The following MAPRE2 variants were observed in gnomAD, a reference collection of about 807,000 sequenced individuals.
MAPRE2 encodes the protein microtubule associated protein RP/EB family member 2.
In MAPRE2, 13 loss-of-function variants were observed where a neutral mutation model predicts 43.2. The ratio of observed to expected loss-of-function variants is 0.30; its 90% CI spans 0.20 to 0.48. MAPRE2 has a LOEUF of 0.48. Ranked by LOEUF, MAPRE2 falls within the 20% of genes least tolerant of loss-of-function variation. The probability of loss-of-function intolerance (pLI) is 0.99; values close to 1 mark genes in which losing one functional copy is unlikely to be tolerated. For missense variants in MAPRE2, 161 were observed against 400.2 expected (o/e 0.40, Z 5.10); for synonymous variants, 135 against 148.8 (o/e 0.91, Z 0.68).
At chr18:35,107,536 G>GC (rs1223060355) in intron 4 of MAPRE2, among the ~76,000 whole-genome samples, 1 of 152,066 alleles carries the variant, frequency 6.6e-6, no homozygotes, top group Non-Finnish European at 1.5e-5. Flanking sequence ...TTTTTTGTTT[G>GC]TTTGCTTTGC....
intron 4 of MAPRE2, among the ~76,000 whole-genome samples, chr18:35,116,362 A>G (rs1909412017): frequency 6.6e-6 from 1 of 152,222 alleles, no homozygotes; most frequent in Non-Finnish European, 1.5e-5. Context: ...TCTTATTGCT[A>G]CAAAAATAAA....
At chr18:35,105,109 AC>A (rs1230196849) in intron 4 of MAPRE2, among the ~76,000 whole-genome samples, 1 of 152,084 alleles carries the variant, frequency 6.6e-6, no homozygotes, top group Non-Finnish European at 1.5e-5. Flanking sequence ...TCTGTCTTTC[AC>A]AAAAGCTGCA....
At chr18:35,022,431 A>C (rs937099217) in intron 2 of MAPRE2, among the ~76,000 whole-genome samples, 9 of 152,184 alleles carry the variant, frequency 5.9e-5, no homozygotes, top group Non-Finnish European at 1.0e-4. Flanking sequence ...TCTTCTGTCA[A>C]TAAAAAAGTA....
chr18:35,021,279 G>A (rs569786458), intron 2 of MAPRE2, among the ~76,000 whole-genome samples: 4 of 152,114 alleles, frequency 2.6e-5, no homozygotes, highest in African/African-American at 9.7e-5. Context: ...GTTTTAAGAT[G>A]ACAGTCTAAA....
chr18:35,095,602 A>G (rs2144164125), intron 2 of MAPRE2, among the ~76,000 whole-genome samples: 1 of 150,828 alleles, frequency 6.6e-6, no homozygotes, highest in East Asian at 2.0e-4. Context: ...TTGTAAGAGT[A>G]TATAGTATCT....
chr18:34,998,015 C>T (rs1374764345), intron 1 of MAPRE2, among the ~76,000 whole-genome samples: 2 of 151,970 alleles, frequency 1.3e-5, no homozygotes, highest in African/African-American at 4.8e-5. Context: ...TGTTTTAATC[C>T]CTGACAGTGT....
chr18:34,996,327 T>A (rs1377706336), intron 1 of MAPRE2, among the ~76,000 whole-genome samples: 1 of 152,146 alleles, frequency 6.6e-6, no homozygotes, highest in Non-Finnish European at 1.5e-5. Context: ...CCTCAGATCA[T>A]CAAGCATTAG....
upstream of MAPRE2, among the ~76,000 whole-genome samples, chr18:35,038,862 A>T (rs1197992909): frequency 6.6e-6 from 1 of 152,122 alleles, no homozygotes; most frequent in African/African-American, 2.4e-5. Flanking sequence ...GGGTCCCTTT[A>T]TAGTAGTGTG....
intron 1 of MAPRE2, among the ~76,000 whole-genome samples, chr18:34,989,058 G>T (rs975675616): frequency 6.6e-6 from 1 of 152,054 alleles, no homozygotes; most frequent in Non-Finnish European, 1.5e-5. Context: ...TCCACTACTA[G>T]CACACAAAGG....
chr18:35,081,311 G>A (rs1907617763), intron 2 of MAPRE2, among the ~76,000 whole-genome samples: 1 of 152,174 alleles, frequency 6.6e-6, no homozygotes, highest in African/African-American at 2.4e-5. Context: ...GGATCCTTCT[G>A]ATACTAGAGT....
intron 1 of MAPRE2, among the ~76,000 whole-genome samples, chr18:34,977,511 C>T (rs983663180): frequency 2.0e-5 from 3 of 152,194 alleles, no homozygotes; most frequent in African/African-American, 7.2e-5. Flanking sequence ...CTAGCTGGGG[C>T]GCCGGCACTG....
intron 2 of MAPRE2, among the ~76,000 whole-genome samples, chr18:35,020,722 T>C (rs1338120405): frequency 6.6e-6 from 1 of 152,180 alleles, no homozygotes; most frequent in Non-Finnish European, 1.5e-5. Flanking sequence ...AAAAATTTCC[T>C]GGCTCGAGAA....
chr18:35,066,816 T>G (rs472248), intron 1 of MAPRE2, among the ~76,000 whole-genome samples: 53,646 of 152,124 alleles, frequency 0.35, 13,538 homozygotes, highest in African/African-American at 0.7. Flanking sequence ...GGGGCAAACA[T>G]TGGGAGCAAA....
At chr18:35,001,513 CA>C (rs57415569) in intron 1 of MAPRE2, among the ~76,000 whole-genome samples, 11,835 of 137,018 alleles carry the variant, frequency 0.086, 479 homozygotes, top group South Asian at 0.17. Context: ...GACTTTGTCT[CA>C]AAAAAAAAAA....
rs1042820942 is a variant in MAPRE2, at chr18:35,075,011, G to C, written c.250+4689G>C. On this transcript the variant is annotated intron_variant, in intron 2 of 6. Coordinates refer to ENST00000300249, the MANE Select transcript of MAPRE2 (RefSeq NM_014268.4). ...AAAAAAAGAAAGAGAAAATGATCAG[G>C]ATTTGATTCAGTTTCAATTTGTGCT... Among the ~76,000 whole-genome samples the C allele has an allele frequency of 2.6e-5, 4 of 152,150 alleles. 1 individual carries two copies.
At chr18:35,034,445 G>A (rs1342245569) in intron 2 of MAPRE2, among the ~76,000 whole-genome samples, 2 of 152,054 alleles carry the variant, frequency 1.3e-5, no homozygotes, top group East Asian at 3.8e-4. Flanking sequence ...CAGGACATAG[G>A]CATGGGCAAG....
rs528596771 is a variant in MAPRE2 at position 34,980,919 on chromosome 18, C to T, written c.-70+3840C>T. ...TAGCATAAGTACATTTAAATAGCCACCATATTAAAAGTAAGAAGTTGGATG... is the reference window on the plus strand; with the variant it reads ...TAGCATAAGTACATTTAAATAGCCATCATATTAAAAGTAAGAAGTTGGATG... On this transcript the variant is annotated intron_variant, in intron 1 of 7. Transcript: ENST00000413393. 3.9e-5 allele frequency among the ~76,000 whole-genome samples: 6 copies of T among 152,114 alleles called. No individual in the cohort carries two copies. The East Asian group carries it at 1.2e-3, about 29-fold the overall frequency.
chr18:35,134,547 G>A (rs1910301399), intron 6 of MAPRE2, among the ~76,000 whole-genome samples: 1 of 152,210 alleles, frequency 6.6e-6, no homozygotes, highest in Non-Finnish European at 1.5e-5. Flanking sequence ...AAATCATAAG[G>A]ACTGAGTTAC....
rs1568961551 is a variant in MAPRE2 at position 34,985,313 on chromosome 18, A to ATTT, written c.-70+8235_-70+8236insTTT. ...TATTATATTATATATTGTATATATT[A>ATTT]TATTATATATATAATATAATATATA... On this transcript the variant is annotated intron_variant, in intron 1 of 7. Transcript: ENST00000413393. Among the ~76,000 whole-genome samples, 220 of 45,264 alleles carry ATTT rather than the reference A, an allele frequency of 4.9e-3. 22 individuals carry two copies. Among genetic ancestry groups the ATTT allele is most frequent in the Non-Finnish European group, 5.9e-3 (165 of 27,932 alleles). The allele number at this position is 45,264 out of a possible 152,430, so 29.7% of individuals were successfully genotyped here. A position where few individuals can be genotyped will look rare whatever the true frequency, so the allele number is the denominator to read the frequency against.
Sources: allele counts gnomAD v4.1 joint callset (sites outside exome capture counted in the v4.1 genomes callset), GRCh38; gene constraint gnomAD v4.1.1; transcripts MANE v1.5; gene names NCBI Gene and HGNC (gene_info 2026-07-23, HGNC 2026-07-21).